TEX29: variants seen among roughly 807,000 people sequenced by gnomAD.
TEX29 encodes testis-expressed protein 29.
Under a neutral mutation model 18.2 loss-of-function variants are expected in TEX29, and 26 were observed. That is an observed-to-expected ratio of 1.43 (90% CI 1.04 to 1.98). TEX29 has a LOEUF of 1.98. TEX29 is among the 30% of genes most tolerant of loss of function. The pLI is 0.00. For synonymous variants in TEX29, 83 were observed against 78.5 expected (o/e 1.06, Z -0.31); for missense variants, 177 against 194.2 (o/e 0.91, Z 0.53).
At chr13:111,339,607 G>A (rs1180036638) in intron 3 of TEX29, among the ~76,000 whole-genome samples, 1 of 152,090 alleles carries the variant, frequency 6.6e-6, no homozygotes, top group African/African-American at 2.4e-5. Context: ...GTGGTCACAA[G>A]GTGTCCTCTG....
At chr13:111,318,445 G>A (rs2479961), upstream of TEX29, among the ~76,000 whole-genome samples, 42,986 of 152,124 alleles carry the variant, frequency 0.28, 6,971 homozygotes, top group East Asian at 0.81. Flanking sequence ...TGGCTGCTCC[G>A]TCCTGTGGCC....
At position 111,339,894 on chromosome 13, in the gene TEX29, G is replaced by A. The variant is rs1458894368; in HGVS notation, c.201G>A (p.Val67=). Residue 67 remains valine, a synonymous_variant, in exon 4 of 6, where the codon GTG becomes GTA. Coordinates refer to ENST00000283547, the MANE Select transcript of TEX29 (RefSeq NM_152324.3). ...TCCACGTGTTCTCTGCCTTGATTGTGATCATCGCTGGGGCCTTCGTCATCA... is the reference window on the plus strand; with the variant it reads ...TCCACGTGTTCTCTGCCTTGATTGTAATCATCGCTGGGGCCTTCGTCATCA... ...IYIHVFSALI[V]IIAGAFVITI... is the part of the protein sequence containing the mutation. The A allele has an allele frequency of 6.2e-7, 1 of 1,612,852 alleles. No individual in the cohort carries two copies. Among genetic ancestry groups the A allele is most frequent in the East Asian group, 2.2e-5 (1 of 44,882 alleles).
chr13:111,325,738 A>G (rs2093671768), intron 2 of TEX29, among the ~76,000 whole-genome samples: 1 of 152,164 alleles, frequency 6.6e-6, no homozygotes, highest in African/African-American at 2.4e-5. Context: ...GCGCGGGAGG[A>G]CTGCCGGGAT....
chr13:111,343,768 C>G (rs758084934), intron 5 of TEX29, among the ~76,000 whole-genome samples: 5 of 152,174 alleles, frequency 3.3e-5, no homozygotes. Flanking sequence ...GCAACCCACA[C>G]TTGATTTCAG....
intron 2 of TEX29, among the ~76,000 whole-genome samples, chr13:111,322,373 G>A (rs2093666212): frequency 6.6e-6 from 1 of 152,212 alleles, no homozygotes; most frequent in Non-Finnish European, 1.5e-5. Context: ...GCCAGGGCAA[G>A]CACGGGGGAG....
intron 2 of TEX29, among the ~76,000 whole-genome samples, chr13:111,325,717 C>T (rs965480192): frequency 2.0e-5 from 3 of 152,156 alleles, no homozygotes; most frequent in African/African-American, 4.8e-5. Context: ...GAAAATGGGA[C>T]ACCGGAGGAG....
At chr13:111,328,462 G>C (rs1414508259) in intron 3 of TEX29, among the ~76,000 whole-genome samples, 169 bp downstream of exon 3, 1 of 152,216 alleles carries the variant, frequency 6.6e-6, no homozygotes, top group African/African-American at 2.4e-5. Context: ...AGTAGACTTG[G>C]AGTGGGGTTT....
chr13:111,319,617 C>T (rs762903728), upstream of TEX29, among the ~76,000 whole-genome samples: 7 of 152,144 alleles, frequency 4.6e-5, no homozygotes, highest in Admixed American at 1.3e-4. Context: ...CCAAGCCGTC[C>T]GCCACTCTTA....
chr13:111,333,073 G>C (rs554059806), intron 3 of TEX29, among the ~76,000 whole-genome samples: 1 of 152,140 alleles, frequency 6.6e-6, no homozygotes, highest in Non-Finnish European at 1.5e-5. Flanking sequence ...CTTCTGGCCT[G>C]CATGGTTTCT....
At chr13:111,323,015 G>C (rs1227237641) in intron 2 of TEX29, among the ~76,000 whole-genome samples, 1 of 152,244 alleles carries the variant, frequency 6.6e-6, no homozygotes, top group African/African-American at 2.4e-5. Context: ...AATTCCTCCT[G>C]TCCTTCTCTG....
chr13:111,326,027 C>T (rs1016530760), intron 2 of TEX29, among the ~76,000 whole-genome samples: 19 of 152,288 alleles, frequency 1.2e-4, no homozygotes, highest in Admixed American at 1.0e-3. Flanking sequence ...GTGGGGAGGG[C>T]GCCTGGCACT....
In TEX29 at chr13:111,328,237, G is replaced by A; in HGVS notation, c.113G>A (p.Cys38Tyr). The change falls in exon 3 of 6, where the codon TGC becomes TAC. Residue 38 changes from cysteine to tyrosine, a missense_variant. Physicochemically the swap from Cys to Tyr is radical, Grantham distance 194 (BLOSUM62 -2). Coordinates refer to ENST00000283547, the MANE Select transcript of TEX29 (RefSeq NM_152324.3). ...GACTACAACGTCTCCAGGGACCGATGCCAGGAGCTCGGGTGCTGCTTCTAC... is the reference window on the plus strand; with the variant it reads ...GACTACAACGTCTCCAGGGACCGATACCAGGAGCTCGGGTGCTGCTTCTAC... ...ICDYNVSRDRCQELGCCFYEG... is the reference protein window; with the variant it reads ...ICDYNVSRDRYQELGCCFYEG... The A allele has an allele frequency of 6.2e-7, 1 of 1,613,982 alleles. No homozygotes were observed. The highest frequency in any genetic ancestry group is 8.5e-7 in the Non-Finnish European group (1 of 1,179,952).
chr13:111,320,604 G>A (rs1172024300), upstream of TEX29: 8 of 520,926 alleles, frequency 1.5e-5, no homozygotes, highest in East Asian at 6.8e-5. Context: ...ATGTCACAGC[G>A]GGCGGGGTGG....
At chr13:111,329,530 G>C (rs74979532) in intron 3 of TEX29, among the ~76,000 whole-genome samples, 1 of 151,600 alleles carries the variant, frequency 6.6e-6, no homozygotes, top group African/African-American at 2.4e-5. Context: ...AAACGTTAGT[G>C]ACTGATGGGA....
At chr13:111,328,572 A>T (rs1229426053) in intron 3 of TEX29, among the ~76,000 whole-genome samples, 4 of 151,770 alleles carry the variant, frequency 2.6e-5, no homozygotes, top group Non-Finnish European at 4.4e-5. Context: ...GGCCCCCTTC[A>T]TGGAGGAATT....
rs1417023376 is a variant in TEX29 at position 111,328,183 on chromosome 13, T to G, written c.59T>G (p.Val20Gly). Residue 20 changes from valine to glycine, a missense_variant and splice_region_variant, in exon 3 of 6, where the codon GTG (valine) becomes GGG (glycine). By Grantham distance (109) the Val-to-Gly change is moderately radical. Coordinates refer to ENST00000283547, the MANE Select transcript of TEX29 (RefSeq NM_152324.3). ...SPRHLLKQFT[V>G]CDVPLYDICD... ...CTTGTGTATGTCTGTGCTTTTGCAGTGTGTGACGTTCCTCTGTATGACATT... is the reference window on the plus strand; with the variant it reads ...CTTGTGTATGTCTGTGCTTTTGCAGGGTGTGACGTTCCTCTGTATGACATT... 7 of 1,603,392 alleles carry G rather than the reference T, an allele frequency of 4.4e-6. No homozygotes were observed. The highest frequency in any genetic ancestry group is 6.0e-6 in the Non-Finnish European group (7 of 1,170,302).
At chr13:111,336,912 G>A (rs978489394) in intron 3 of TEX29, among the ~76,000 whole-genome samples, 1 of 152,206 alleles carries the variant, frequency 6.6e-6, no homozygotes, top group Admixed American at 6.5e-5. Flanking sequence ...TACGGGAGAT[G>A]TACTGACGGT....
At chr13:111,320,824 G>A in intron 1 of TEX29, 33 bp from the exon 2 acceptor site, 1 of 1,606,028 alleles carries the variant, frequency 6.2e-7, no homozygotes, top group Non-Finnish European at 8.5e-7. Flanking sequence ...CGTCCCCAGG[G>A]CCCCGCCCGT....
chr13:111,339,652 CAG>C (rs908723936), intron 3 of TEX29, among the ~76,000 whole-genome samples: 1 of 152,136 alleles, frequency 6.6e-6, no homozygotes, highest in African/African-American at 2.4e-5. Context: ...CTGCCTTTCA[CAG>C]GGAGCCCTCG....
Sources: allele counts gnomAD v4.1 joint callset (sites outside exome capture counted in the v4.1 genomes callset), GRCh38; gene constraint gnomAD v4.1.1; transcripts MANE v1.5; gene names NCBI Gene and HGNC (gene_info 2026-07-23, HGNC 2026-07-21).